ABCB1: variants seen among roughly 807,000 people sequenced by gnomAD.
ABCB1 encodes ATP binding cassette subfamily B member 1.
ABCB1 carries 69 observed loss-of-function variants against 142.0 expected under a neutral mutation model. That is an observed-to-expected ratio of 0.49 (90% CI 0.40 to 0.59). ABCB1 has a LOEUF of 0.59. ABCB1 is among the 20% of genes least tolerant of loss of function. ABCB1 has a pLI of 0.00. For synonymous variants in ABCB1, 532 were observed against 539.2 expected (o/e 0.99, Z 0.18); for missense variants, 1,326 against 1,554.7 (o/e 0.85, Z 2.47).
intron 1 of ABCB1, among the ~76,000 whole-genome samples, chr7:87,621,309 G>A (rs1217428741): frequency 2.0e-5 from 3 of 152,096 alleles, no homozygotes; most frequent in Non-Finnish European, 4.4e-5. Context: ...GCTCATAAAT[G>A]ATAAATCAAT....
intron 1 of ABCB1, chr7:87,693,930 G>T: frequency 6.2e-7 from 1 of 1,610,192 alleles, no homozygotes. Context: ...GTTGCAGATG[G>T]CTGGCTCATC....
intron 1 of ABCB1, among the ~76,000 whole-genome samples, chr7:87,672,535 C>T (rs749740414): frequency 6.6e-6 from 1 of 152,112 alleles, no homozygotes; most frequent in Non-Finnish European, 1.5e-5. Context: ...CAGCCTCTTT[C>T]CAAGGGGTAT....
intron 3 of ABCB1, among the ~76,000 whole-genome samples, chr7:87,587,071 C>T (rs1015383134): frequency 5.9e-5 from 9 of 152,132 alleles, no homozygotes; most frequent in South Asian, 4.2e-4. Flanking sequence ...TGGGACAACA[C>T]GTTTTGGCAT....
chr7:87,657,676 C>T (rs923431118), intron 1 of ABCB1, among the ~76,000 whole-genome samples: 2 of 152,084 alleles, frequency 1.3e-5, no homozygotes, highest in Non-Finnish European at 2.9e-5. Context: ...CCTGGCCATA[C>T]TGGGGTGGGG....
At position 87,516,622 on chromosome 7, in the gene ABCB1, C is replaced by T; in HGVS notation, c.2971G>A (p.Val991Ile). The change falls in exon 24 of 28, where the codon GTC (valine) becomes ATC (isoleucine). Residue 991 changes from valine (V) to isoleucine (I), a missense_variant. Physicochemically the swap from Val to Ile is conservative, Grantham distance 29 (BLOSUM62 3). Coordinates refer to ENST00000622132, the MANE Select transcript of ABCB1 (RefSeq NM_001348946.2). ...VVFGAMAVGQ[V>I]SSFAPDYAKA... Reference sequence around the variant, plus strand: ...GCATAGTCAGGAGCAAATGAACTGACTTGCCCCACGGCCATGGCACCAAAG... The same window carrying T: ...GCATAGTCAGGAGCAAATGAACTGATTTGCCCCACGGCCATGGCACCAAAG... 6.2e-7 allele frequency: 1 copy of T among 1,614,056 alleles called. No individual in the cohort carries two copies. The highest frequency in any genetic ancestry group is 8.5e-7 in the Non-Finnish European group (1 of 1,180,016).
intron 1 of ABCB1, among the ~76,000 whole-genome samples, chr7:87,692,239 C>T (rs1017849785): frequency 3.3e-5 from 5 of 152,000 alleles, no homozygotes; most frequent in African/African-American, 1.2e-4. Flanking sequence ...TCCATTGAGC[C>T]CAGGAGTTTG....
chr7:87,600,277 CAG>C, intron 1 of ABCB1, 87 bp from the exon 2 acceptor site: 1 of 1,149,916 alleles, frequency 8.7e-7, no homozygotes, highest in Non-Finnish European at 1.3e-6. Context: ...CCGTCGAAGC[CAG>C]AGAGCAGTAA....
At chr7:87,516,472 T>A in intron 24 of ABCB1, 37 bp downstream of exon 24, 1 of 1,613,368 alleles carries the variant, frequency 6.2e-7, no homozygotes, top group Non-Finnish European at 8.5e-7. Flanking sequence ...CATTCAGGAG[T>A]CAGGAGTAGA....
intron 9 of ABCB1, among the ~76,000 whole-genome samples, chr7:87,552,154 T>C (rs1245281662): frequency 2.6e-5 from 4 of 152,146 alleles, no homozygotes; most frequent in African/African-American, 9.6e-5. Flanking sequence ...CAAGGCCGTG[T>C]TCTCTTTAGG....
intron 1 of ABCB1, among the ~76,000 whole-genome samples, chr7:87,685,408 A>C (rs1827357172): frequency 6.6e-6 from 1 of 152,196 alleles, no homozygotes; most frequent in Admixed American, 6.5e-5. Context: ...ACCTTTATCA[A>C]GCTCTTTTGT....
intron 1 of ABCB1, among the ~76,000 whole-genome samples, chr7:87,675,008 C>T (rs1010163141): frequency 3.9e-5 from 6 of 152,232 alleles, no homozygotes; most frequent in Non-Finnish European, 7.3e-5. Flanking sequence ...ACAGCCTTTT[C>T]AGGCATCTCT....
intron 4 of ABCB1, among the ~76,000 whole-genome samples, chr7:87,577,615 A>G (rs1017437519): frequency 5.9e-5 from 9 of 152,230 alleles, no homozygotes; most frequent in African/African-American, 2.2e-4. Context: ...GCTAAAAGCC[A>G]TTTTAACTGG....
chr7:87,523,523 G>A (rs1052217269), intron 21 of ABCB1, among the ~76,000 whole-genome samples: 5 of 152,180 alleles, frequency 3.3e-5, no homozygotes, highest in Non-Finnish European at 5.9e-5. Context: ...ATGCTACTGG[G>A]AGGCAGAGGA....
chr7:87,519,745 G>A (rs1404031413), intron 22 of ABCB1, among the ~76,000 whole-genome samples: 4 of 152,190 alleles, frequency 2.6e-5, no homozygotes, highest in African/African-American at 9.7e-5. Context: ...TAAAGAGCCG[G>A]TTAGGGATCA....
chr7:87,709,251 T>G, intron 1 of ABCB1: 1 of 985,346 alleles, frequency 1.0e-6, no homozygotes, highest in Non-Finnish European at 1.2e-6. Context: ...TAGTCTCCTG[T>G]GCTGAATTGT....
intron 1 of ABCB1, among the ~76,000 whole-genome samples, chr7:87,619,808 A>C (rs1371919719): frequency 2.0e-5 from 3 of 151,944 alleles, no homozygotes; most frequent in Non-Finnish European, 4.4e-5. Context: ...AGATTTCAAG[A>C]GGAATCATTA....
intron 21 of ABCB1, among the ~76,000 whole-genome samples, chr7:87,527,374 G>A (rs1015142446): frequency 5.3e-5 from 8 of 152,202 alleles, no homozygotes; most frequent in African/African-American, 1.2e-4. Context: ...TGCACCTGCT[G>A]TTGTAGCTGC....
chr7:87,614,713 G>T (rs1370823849), intron 1 of ABCB1, among the ~76,000 whole-genome samples: 3 of 152,174 alleles, frequency 2.0e-5, no homozygotes, highest in Non-Finnish European at 4.4e-5. Flanking sequence ...TTTTATTCTT[G>T]TTACATTGTT....
intron 1 of ABCB1, among the ~76,000 whole-genome samples, chr7:87,616,112 T>C (rs1168912529): frequency 6.6e-6 from 1 of 152,220 alleles, no homozygotes; most frequent in Non-Finnish European, 1.5e-5. Flanking sequence ...TATAAAATAA[T>C]AAGCATCTAC....
Sources: gnomAD v4.1 joint callset for allele counts (sites outside exome capture counted in the v4.1 genomes callset) on GRCh38, gnomAD v4.1.1 for gene constraint, MANE v1.5 for transcripts, NCBI Gene and HGNC (gene_info 2026-07-23, HGNC 2026-07-21) for gene names.